The following ASAH1 variants were observed in gnomAD, a reference collection of about 807,000 sequenced individuals.
ASAH1 encodes the protein acid ceramidase.
ASAH1 carries 70 observed loss-of-function variants against 59.5 expected under a neutral mutation model. That is an observed-to-expected ratio of 1.18 (90% confidence interval 0.97 to 1.43). ASAH1 has a LOEUF of 1.43. ASAH1 is among the 40% of genes most tolerant of loss of function. The pLI, the probability that ASAH1 is intolerant of heterozygous loss-of-function variation, is 0.00. For missense variants in ASAH1, 660 were observed against 482.5 expected (o/e 1.37, Z -3.45); for synonymous variants, 213 against 166.5 (o/e 1.28, Z -2.15).
chr8:18,062,307 T>A lies in ASAH1; in HGVS notation c.620A>T (p.Tyr207Phe), dbSNP rs150268016. 6.3e-4 allele frequency: 1,018 copies of A among 1,614,226 alleles called. 2 individuals are homozygous for A. The highest frequency in any genetic ancestry group is 8.3e-4 in the Non-Finnish European group (976 of 1,180,028). ...TVFKASSFAG[Y>F]VGMLTGFKPG... Reference sequence around the variant, plus strand: ...TTTGAATCCTGTTAACATGCCCACATAGCCAGCAAAGCTTGAAGCCTTGAA... The same window carrying A: ...TTTGAATCCTGTTAACATGCCCACAAAGCCAGCAAAGCTTGAAGCCTTGAA... Residue 207 changes from tyrosine to phenylalanine, a missense_variant, in exon 8 of 14, where the codon TAT (tyrosine) becomes TTT (phenylalanine). By Grantham distance (22) the Tyr-to-Phe change is conservative (BLOSUM62 3). Transcript: ENST00000637790.
intron 13 of ASAH1, 59 bp from the exon 14 acceptor site, chr8:18,057,682 A>G: frequency 1.7e-6 from 2 of 1,196,740 alleles, no homozygotes; most frequent in Non-Finnish European, 1.2e-6. Context: ...GTTCTGATAT[A>G]TATTAGCATT....
intron 2 of ASAH1, chr8:18,073,399 G>T: frequency 1.9e-6 from 2 of 1,028,194 alleles, no homozygotes; most frequent in Non-Finnish European, 2.9e-6. Context: ...TCATTTTTGA[G>T]ACTTAGTGTT....
At position 18,079,678 on chromosome 8, in the gene ASAH1, C is replaced by T. The variant is rs540240335; in HGVS notation, c.79-4091G>A. ...ATGAAGGATAATCTAAAATTACATA[C>T]CTCATGTCAGTTTTCATACCCACCA... On this transcript the variant is annotated intron_variant, in intron 1 of 13. Coordinates refer to ENST00000637790, the MANE Select transcript of ASAH1 (RefSeq NM_177924.5). Among the ~76,000 whole-genome samples, 185 of 152,262 alleles carry T rather than the reference C, an allele frequency of 1.2e-3. 1 individual carries two copies. Among genetic ancestry groups the T allele is most frequent in the African/African-American group, 4.4e-3 (182 of 41,552 alleles).
intron 8 of ASAH1, chr8:18,061,951 CT>C: frequency 1.6e-6 from 1 of 638,644 alleles, no homozygotes; most frequent in Non-Finnish European, 2.7e-6. Flanking sequence ...ACTGGCAACG[CT>C]TTTTGGACAG....
At chr8:18,084,806 C>T (rs1167517855), upstream of ASAH1, 5 of 1,612,874 alleles carry the variant, frequency 3.1e-6, no homozygotes, top group Non-Finnish European at 3.4e-6. Context: ...GTTCATTAAG[C>T]GGCTGTGTTT....
upstream of ASAH1, chr8:18,084,431 C>T: frequency 1.5e-6 from 2 of 1,376,474 alleles, no homozygotes; most frequent in Non-Finnish European, 1.9e-6. Context: ...TGGGGCGCCT[C>T]TAGCAGGCGG....
At chr8:18,067,187 CT>C (rs138677135) in intron 5 of ASAH1, 32 bp downstream of exon 5, 43,763 of 1,359,856 alleles carry the variant, frequency 0.032, 650 homozygotes, top group Non-Finnish European at 0.038. Flanking sequence ...AATTTAATTA[CT>C]TTTTTTTTTA....
chr8:18,059,932 C>T, intron 10 of ASAH1: 1 of 437,464 alleles, frequency 2.3e-6, no homozygotes, highest in Non-Finnish European at 4.2e-6. Flanking sequence ...CCTCCCCTTT[C>T]ACCCCACCCC....
At chr8:18,062,227 G>C in intron 8 of ASAH1, 52 bp downstream of exon 8, 1 of 1,611,024 alleles carries the variant, frequency 6.2e-7, no homozygotes, top group Non-Finnish European at 8.5e-7. Flanking sequence ...TTTACATAAC[G>C]GTAACAGGAC....
In ASAH1 at chr8:18,059,420, T is replaced by A; in HGVS notation, c.962A>T (p.Tyr321Phe). ...GAAGAAGGGATGTTTCCAACGGTCA[T>A]AATTTGTTTGTACCACATACCATCT... Reference protein sequence around the residue: ...QGRWYVVQTNYDRWKHPFFLD... With the variant: ...QGRWYVVQTNFDRWKHPFFLD... Residue 321 changes from tyrosine (Y) to phenylalanine (F), a missense_variant, in exon 12 of 14, where the codon TAT (tyrosine) becomes TTT (phenylalanine). Physicochemically the swap from Tyr to Phe is conservative, Grantham distance 22 (BLOSUM62 3). Coordinates refer to ENST00000637790, the MANE Select transcript of ASAH1 (RefSeq NM_177924.5). 2.5e-6 allele frequency: 4 copies of A among 1,614,218 alleles called. No homozygotes were observed. Among genetic ancestry groups the A allele is most frequent in the Non-Finnish European group, 3.4e-6 (4 of 1,180,040 alleles).
In ASAH1 at chr8:18,064,416, T is replaced by A. The variant is rs756957367; in HGVS notation, c.457+41A>T. On this transcript the variant is annotated intron_variant, in intron 6 of 13. Transcript: ENST00000637790. The stretch of plus-strand genomic sequence containing the variant: ...TTCATTTAGAAGATTTTTCTTTATG[T>A]AGTGCTTCATGCTGCCCACCCTCCC... 4 of 1,406,274 alleles carry A rather than the reference T, an allele frequency of 2.8e-6. No homozygotes were observed. The Admixed American group carries it at 6.8e-5, about 24-fold the overall frequency. 87.1% of individuals were successfully genotyped at this position (1,406,274 alleles called of 1,614,324 possible). A position where few individuals can be genotyped will look rare whatever the true frequency, so the allele number is the denominator to read the frequency against.
intron 7 of ASAH1, chr8:18,062,811 A>ACTTATCATC: frequency 2.7e-6 from 1 of 368,576 alleles, no homozygotes; most frequent in Non-Finnish European, 5.0e-6. Flanking sequence ...CTTGGGACTT[A>ACTTATCATC]CTTATCATCA....
intron 2 of ASAH1, among the ~76,000 whole-genome samples, chr8:18,075,012 T>TTTTTTTTTTTTTTTTTTTTG (rs1800334503): frequency 6.7e-6 from 1 of 149,602 alleles, no homozygotes; most frequent in Non-Finnish European, 1.5e-5. Flanking sequence ...CTTTTTTTTT[T>TTTTTTTTTTTTTTTTTTTTG]TGAGACAGAG....
intron 1 of ASAH1, chr8:18,076,089 T>C (rs1362686088): frequency 1.1e-5 from 2 of 183,870 alleles, no homozygotes; most frequent in Non-Finnish European, 2.3e-5. Flanking sequence ...TTAGTATTTA[T>C]AGCCATACGC....
In ASAH1 at chr8:18,061,425, A is replaced by G. The variant is rs10103355; in HGVS notation, c.737T>C (p.Val246Ala). Residue 246 changes from valine to alanine, a missense_variant, in exon 10 of 14, where the codon GTC (valine) becomes GCC (alanine). By Grantham distance (64) the Val-to-Ala change is moderately conservative (BLOSUM62 0). Coordinates refer to ENST00000637790, the MANE Select transcript of ASAH1 (RefSeq NM_177924.5). ...ILEWILGKKD[V>A]MWIGFLTRTV... The stretch of plus-strand genomic sequence containing the variant: ...TCTAGTGAGGAACCCTATCCACATG[A>G]CATCTTTCTTTCCCAGAATCCATTC... 1,558,656 of 1,612,938 alleles carry G rather than the reference A, an allele frequency of 0.97. 758,609 individuals carry two copies. Among genetic ancestry groups the G allele is most frequent in the Non-Finnish European group, 0.99 (1,169,605 of 1,179,020 alleles).
At chr8:18,084,682 T>C, upstream of ASAH1, 1 of 1,613,568 alleles carries the variant, frequency 6.2e-7, no homozygotes, top group Non-Finnish European at 8.5e-7. Context: ...CCACTTGGGC[T>C]TTCACAGCAA....
At chr8:18,083,315 T>C (rs1204829848) in intron 1 of ASAH1, 3 of 152,842 alleles carry the variant, frequency 2.0e-5, no homozygotes, top group Admixed American at 1.3e-4. Context: ...TGGCTAAATA[T>C]TTTCTCACTC....
chr8:18,078,003 G>C (rs1428830473), intron 1 of ASAH1, among the ~76,000 whole-genome samples: 1 of 152,128 alleles, frequency 6.6e-6, no homozygotes, highest in East Asian at 1.9e-4. Flanking sequence ...CACAGCTGGT[G>C]ACAGAATCAG....
chr8:18,059,055 G>T, intron 12 of ASAH1, 164 bp from the exon 13 acceptor site: 1 of 704,326 alleles, frequency 1.4e-6, no homozygotes, highest in Non-Finnish European at 2.4e-6. Flanking sequence ...ACAGGTAACA[G>T]TTTTAATGGA....
Sources: allele counts gnomAD v4.1 joint callset (sites outside exome capture counted in the v4.1 genomes callset), GRCh38; gene constraint gnomAD v4.1.1; transcripts MANE v1.5; gene names NCBI Gene and HGNC (gene_info 2026-07-23, HGNC 2026-07-21).